TTC23L: variants seen among roughly 807,000 people sequenced by gnomAD.
TTC23L encodes tetratricopeptide repeat protein 23-like.
Under a neutral mutation model 48.1 loss-of-function variants are expected in TTC23L, and 42 were observed. That is an observed-to-expected ratio of 0.87 (90% confidence interval 0.68 to 1.13). The LOEUF is 1.13. Ranked by LOEUF, TTC23L falls within the 50% of genes most tolerant of loss-of-function variation. The pLI is 0.00. For synonymous variants in TTC23L, 159 were observed against 157.2 expected (o/e 1.01, Z -0.09); for missense variants, 391 against 421.0 (o/e 0.93, Z 0.62).
At chr5:34,900,347 A>G (rs973650210), downstream of TTC23L, among the ~76,000 whole-genome samples, 1 of 152,128 alleles carries the variant, frequency 6.6e-6, no homozygotes, top group African/African-American at 2.4e-5. Context: ...TAAGAAAATG[A>G]TAAGGGGCCA....
At chr5:34,869,873 T>C (rs1761328962) in intron 8 of TTC23L, 1 of 152,186 alleles carries the variant, frequency 6.6e-6, no homozygotes, top group East Asian at 1.9e-4. Context: ...AATTATTTTT[T>C]AAGCATAAAC....
Position 34,863,265 on chromosome 5 carries a change from A to G in TTC23L, c.536+211A>G, listed in dbSNP as rs979089551. Among the ~76,000 whole-genome samples the G allele has an allele frequency of 6.6e-6, 1 of 152,116 alleles. No homozygotes were observed. The highest frequency in any genetic ancestry group is 2.4e-5 in the African/African-American group (1 of 41,406). On this transcript the variant is annotated intron_variant, in intron 5 of 10. Transcript: ENST00000505624. This position sits in a 1 kb window ranked among gnomAD's most constrained non-coding sequence, Gnocchi z 4.1. ...ATATAAGCTCTGAGTTGAGCCACGGAAGAGATTTCACTAGTCACATATTAC... is the reference window on the plus strand; with the variant it reads ...ATATAAGCTCTGAGTTGAGCCACGGGAGAGATTTCACTAGTCACATATTAC...
At chr5:34,849,915 G>T (rs1347118054) in intron 3 of TTC23L, among the ~76,000 whole-genome samples, 1 of 152,204 alleles carries the variant, frequency 6.6e-6, no homozygotes, top group East Asian at 1.9e-4. Context: ...CAGAGAGGAA[G>T]CAATTGGAAG....
the TTC23L span, chr5:34,915,530 C>CCAGCCCTCCACCT: frequency 1.8e-6 from 1 of 543,266 alleles, no homozygotes; most frequent in Non-Finnish European, 3.1e-6. Flanking sequence ...ACTCTTCAGA[C>CCAGCCCTCCACCT]CGGCCCTCCA....
chr5:34,869,003 C>T (rs1385980955), exon 8 of TTC23L: 1 of 1,605,668 alleles, frequency 6.2e-7, no homozygotes, highest in African/African-American at 1.3e-5. Flanking sequence ...CTGGAGAGGC[C>T]CAGCACAGGG....
At chr5:34,865,347 A>G (rs1166016216) in intron 6 of TTC23L, among the ~76,000 whole-genome samples, 1 of 152,192 alleles carries the variant, frequency 6.6e-6, no homozygotes, top group Non-Finnish European at 1.5e-5. Flanking sequence ...CTAAACAACC[A>G]TGAATCTAGA....
intron 9 of TTC23L, chr5:34,880,742 GA>G: frequency 3.3e-6 from 1 of 300,450 alleles, no homozygotes; most frequent in South Asian, 2.7e-5. Context: ...GGGTTCAAGA[GA>G]TTTGCCTGCC....
chr5:34,889,828 GTTTT>G (rs63273662), intron 9 of TTC23L, among the ~76,000 whole-genome samples: 5 of 150,710 alleles, frequency 3.3e-5, no homozygotes, highest in Non-Finnish European at 7.4e-5. Flanking sequence ...ATTAGGTGGG[GTTTT>G]TTTTTGTTTT....
At chr5:34,891,813 G>A (rs1465584009) in intron 9 of TTC23L, among the ~76,000 whole-genome samples, 2 of 152,156 alleles carry the variant, frequency 1.3e-5, no homozygotes, top group African/African-American at 4.8e-5. Flanking sequence ...TATTTACTGT[G>A]TCTTTTAGGT....
At chr5:34,879,114 T>A (rs1304652866) in intron 8 of TTC23L, among the ~76,000 whole-genome samples, 2 of 152,198 alleles carry the variant, frequency 1.3e-5, no homozygotes, top group African/African-American at 4.8e-5. Flanking sequence ...AGTATCAAGG[T>A]TTCACTCATA....
the TTC23L span, among the ~76,000 whole-genome samples, chr5:34,911,337 T>C: frequency 1.8e-4 from 28 of 152,290 alleles, no homozygotes; most frequent in South Asian, 5.6e-3. Flanking sequence ...GGGCTTCTCA[T>C]CTAGATGCCA....
chr5:34,921,889 A>C, the TTC23L span: 906 of 162,358 alleles, frequency 5.6e-3, 21 homozygotes, highest in East Asian at 0.053. Flanking sequence ...CCTGGGCAAC[A>C]AGAGCGAAAC....
chr5:34,917,564 C>T, the TTC23L span, among the ~76,000 whole-genome samples: 432 of 152,042 alleles, frequency 2.8e-3, no homozygotes, highest in African/African-American at 5.2e-3. Flanking sequence ...CGCTTGAACC[C>T]GGGAGGTGGA....
chr5:34,870,076 CGTTTAT>C (rs547812957), intron 8 of TTC23L, among the ~76,000 whole-genome samples: 175 of 151,800 alleles, frequency 1.2e-3, no homozygotes, highest in African/African-American at 4.1e-3. Flanking sequence ...AAAAAACAAG[CGTTTAT>C]GTTTATAGAG....
chr5:34,922,414 A>G, the TTC23L span: 11,494 of 892,310 alleles, frequency 0.013, 112 homozygotes, highest in Middle Eastern at 0.028. Context: ...TGATTTCACG[A>G]AACTTGATAC....
At chr5:34,840,244 G>C (rs1028523770) in intron 1 of TTC23L, among the ~76,000 whole-genome samples, 1 of 142,734 alleles carries the variant, frequency 7.0e-6, no homozygotes, top group African/African-American at 2.6e-5. Flanking sequence ...CCCCGGGGGG[G>C]GGGGGGAAAG....
chr5:34,866,777 C>T (rs1761076618), intron 6 of TTC23L, 115 bp from the exon 7 acceptor site: 1 of 935,134 alleles, frequency 1.1e-6, no homozygotes. Context: ...GAGCCAGCTA[C>T]CAAGATGATG....
chr5:34,866,494 A>C (rs1185948931), intron 6 of TTC23L, among the ~76,000 whole-genome samples: 3 of 152,154 alleles, frequency 2.0e-5, no homozygotes, highest in Non-Finnish European at 4.4e-5. Context: ...GGAATTCGCC[A>C]AATTAAATGG....
intron 6 of TTC23L, among the ~76,000 whole-genome samples, chr5:34,865,162 G>A (rs185051867): frequency 7.0e-4 from 107 of 152,242 alleles, no homozygotes; most frequent in Non-Finnish European, 1.1e-3. Flanking sequence ...AGAAATGAAT[G>A]TGGGCCCATC....
Sources: allele counts gnomAD v4.1 joint callset (sites outside exome capture counted in the v4.1 genomes callset), GRCh38; gene constraint gnomAD v4.1.1; non-coding constraint Gnocchi (gnomAD v3.1); transcripts MANE v1.5; gene names NCBI Gene and HGNC (gene_info 2026-07-23, HGNC 2026-07-21).